GPAM: variants seen among roughly 807,000 people sequenced by gnomAD.
GPAM encodes glycerol-3-phosphate acyltransferase 1, mitochondrial.
GPAM carries 56 observed loss-of-function variants against 105.0 expected under a neutral mutation model. The ratio of observed to expected loss-of-function variants is 0.53; its 90% CI spans 0.43 to 0.67. The LOEUF (loss-of-function observed/expected upper bound fraction) is 0.67. Among genes scored for constraint, GPAM ranks in the 30% least tolerant of loss-of-function variants. GPAM has a pLI of 0.00. For missense variants in GPAM, 855 were observed against 989.8 expected (o/e 0.86, Z 1.83); for synonymous variants, 368 against 354.4 (o/e 1.04, Z -0.43).
intron 1 of GPAM, among the ~76,000 whole-genome samples, chr10:112,213,785 A>G (rs1847939332): frequency 6.6e-6 from 1 of 152,166 alleles, no homozygotes; most frequent in Non-Finnish European, 1.5e-5. Context: ...AAACTGAAAG[A>G]GTGTTTCTGT....
rs1378828304 is a variant in GPAM at position 112,153,338 on chromosome 10, TC to T, written c.*211del. ...TATGAGTTGCGAATAGAGGCTGAGG[TC>T]CCCCCAAGTGTTATCTGCAGGCTGC... On this transcript the variant is annotated 3_prime_UTR_variant, in exon 22 of 22. Coordinates refer to ENST00000348367, the MANE Select transcript of GPAM (RefSeq NM_001244949.2). 7 of 1,452,408 alleles carry T rather than the reference TC, an allele frequency of 4.8e-6. No homozygotes were observed. The allele number at this position is 1,452,408 out of a possible 1,614,324, so 90.0% of individuals were successfully genotyped here.
In GPAM at chr10:112,168,535, A is replaced by G; in HGVS notation, c.895-11T>C. Reference sequence around the variant, plus strand: ...TAATTCAACTATATGCTGGGATATAAGAAGAAAGTAAAACATACATTCAAG... The same window carrying G: ...TAATTCAACTATATGCTGGGATATAGGAAGAAAGTAAAACATACATTCAAG... On this transcript the variant is annotated splice_polypyrimidine_tract_variant and intron_variant, in intron 10 of 21. Transcript: ENST00000348367. The G allele has an allele frequency of 1.3e-6, 2 of 1,545,314 alleles. No individual in the cohort carries two copies. Among genetic ancestry groups the G allele is most frequent in the South Asian group, 2.2e-5 (2 of 89,734 alleles).
intron 1 of GPAM, among the ~76,000 whole-genome samples, chr10:112,196,613 G>C (rs574218453): frequency 6.6e-6 from 1 of 152,166 alleles, no homozygotes; most frequent in African/African-American, 2.4e-5. Context: ...AGCATAGCAG[G>C]ATTGGTTATG....
intron 14 of GPAM, among the ~76,000 whole-genome samples, chr10:112,163,041 G>A (rs1186363723): frequency 1.3e-5 from 2 of 152,108 alleles, no homozygotes; most frequent in Non-Finnish European, 2.9e-5. Flanking sequence ...CAGCAAGAAA[G>A]AAATCACAAC....
chr10:112,196,813 C>T (rs1357575712), intron 1 of GPAM, among the ~76,000 whole-genome samples: 1 of 152,196 alleles, frequency 6.6e-6, no homozygotes, highest in Non-Finnish European at 1.5e-5. Flanking sequence ...GGATGGATCA[C>T]AGAGACCAAC....
intron 1 of GPAM, among the ~76,000 whole-genome samples, chr10:112,195,557 A>T (rs920955780): frequency 6.6e-6 from 1 of 152,198 alleles, no homozygotes; most frequent in Non-Finnish European, 1.5e-5. Context: ...GACCCTTCAG[A>T]CTAAGGCAGG....
intron 1 of GPAM, among the ~76,000 whole-genome samples, chr10:112,189,049 CCCATGT>C (rs1438230643): frequency 6.6e-6 from 1 of 152,134 alleles, no homozygotes; most frequent in African/African-American, 2.4e-5. Context: ...TGCAGATCTA[CCCATGT>C]ATAATAGCAT....
At position 112,150,359 on chromosome 10, in the gene GPAM, G is replaced by A. The variant is rs56100440; in HGVS notation, c.*3191C>T. On this transcript the variant is annotated 3_prime_UTR_variant, in exon 22 of 22. Transcript: ENST00000348367. ...CCAATTCATCCATGTATTCTGATACGTTCAGTGAAAAAGCCAGGATCATTG... is the reference window on the plus strand; with the variant it reads ...CCAATTCATCCATGTATTCTGATACATTCAGTGAAAAAGCCAGGATCATTG... 6 of 984,442 alleles carry A rather than the reference G, an allele frequency of 6.1e-6. No homozygotes were observed. The highest frequency in any genetic ancestry group is 5.2e-4 in the Middle Eastern group (1 of 1,924). 61.0% of individuals were successfully genotyped at this position (984,442 alleles called of 1,614,324 possible).
At chr10:112,171,154 C>T (rs1282283304) in intron 9 of GPAM, among the ~76,000 whole-genome samples, 3 of 152,152 alleles carry the variant, frequency 2.0e-5, no homozygotes, top group Non-Finnish European at 4.4e-5. Context: ...TTTAATTTCC[C>T]AAACCAGCTC....
At chr10:112,172,346 A>G in intron 8 of GPAM, 28 bp from the exon 9 acceptor site, 1 of 1,603,674 alleles carries the variant, frequency 6.2e-7, no homozygotes, top group African/African-American at 1.3e-5. Context: ...GCCAAATTTA[A>G]AACTCAAATG....
chr10:112,187,603 A>G (rs1847610828), upstream of GPAM, among the ~76,000 whole-genome samples: 1 of 152,184 alleles, frequency 6.6e-6, no homozygotes. Context: ...AAAATCTACA[A>G]TTGTAGTCAG....
intron 1 of GPAM, among the ~76,000 whole-genome samples, chr10:112,192,409 G>T (rs1316289080): frequency 1.3e-5 from 2 of 152,180 alleles, no homozygotes. Flanking sequence ...GTGCAATAAA[G>T]AATCCAAACA....
intron 1 of GPAM, among the ~76,000 whole-genome samples, chr10:112,201,734 T>C (rs1023069357): frequency 6.6e-6 from 1 of 151,694 alleles, no homozygotes; most frequent in African/African-American, 2.4e-5. Context: ...AAATAACCTG[T>C]TGATTTTTTT....
chr10:112,172,031 T>C lies in GPAM; in HGVS notation c.794+151A>G, dbSNP rs1304918157. 4.7e-6 allele frequency: 3 copies of C among 636,202 alleles called. No homozygotes were observed. In the Admixed American group the frequency reaches 8.4e-5, roughly 18 times the overall value. The allele number at this position is 636,202 out of a possible 1,614,324, so 39.4% of individuals were successfully genotyped here. ...TTAATGCATTTTTGCACTCTCCAAATTTTACACAATAACTATGTATCACTT... is the reference window on the plus strand; with the variant it reads ...TTAATGCATTTTTGCACTCTCCAAACTTTACACAATAACTATGTATCACTT... On this transcript the variant is annotated intron_variant, in intron 9 of 21. Transcript: ENST00000348367.
intron 5 of GPAM, among the ~76,000 whole-genome samples, chr10:112,177,647 G>C (rs113035147): frequency 2.6e-5 from 4 of 152,256 alleles, no homozygotes; most frequent in African/African-American, 9.6e-5. Context: ...GTATTAAATA[G>C]TCATAATAAA....
chr10:112,168,921 TGAA>T lies in GPAM; in HGVS notation c.823_825del (p.Phe275del), dbSNP rs781607992. ...GGTGTTTCATCGAGCCTTCGTCGTATGAAGAAGCCCCCAAGCTTATGGATCAAG... is the reference window on the plus strand; with the variant it reads ...GGTGTTTCATCGAGCCTTCGTCGTATGAAGCCCCCAAGCTTATGGATCAAG... On this transcript the variant is annotated inframe_deletion, in exon 10 of 22. Coordinates refer to ENST00000348367, the MANE Select transcript of GPAM (RefSeq NM_001244949.2). 1 of 1,610,508 alleles carries T rather than the reference TGAA, an allele frequency of 6.2e-7. No homozygotes were observed. Among genetic ancestry groups the T allele is most frequent in the Non-Finnish European group, 8.5e-7 (1 of 1,176,748 alleles).
intron 5 of GPAM, among the ~76,000 whole-genome samples, chr10:112,177,284 T>A (rs1847424219): frequency 6.6e-6 from 1 of 152,182 alleles, no homozygotes; most frequent in Non-Finnish European, 1.5e-5. Flanking sequence ...TTGCACTAAT[T>A]TTCATAGAAT....
intron 9 of GPAM, among the ~76,000 whole-genome samples, chr10:112,170,556 G>T (rs1329890711): frequency 1.3e-5 from 2 of 152,180 alleles, no homozygotes; most frequent in African/African-American, 4.8e-5. Flanking sequence ...CTAATTACAA[G>T]AGAAGCAAGG....
intron 11 of GPAM, among the ~76,000 whole-genome samples, chr10:112,167,282 A>C (rs1193471876): frequency 2.0e-5 from 3 of 152,166 alleles, no homozygotes; most frequent in Non-Finnish European, 2.9e-5. Context: ...ACAAAACTAA[A>C]TTCCTCTTGA....
Sources: allele counts gnomAD v4.1 joint callset (sites outside exome capture counted in the v4.1 genomes callset), GRCh38; gene constraint gnomAD v4.1.1; transcripts MANE v1.5; gene names NCBI Gene and HGNC (gene_info 2026-07-23, HGNC 2026-07-21).